Variants in SLAMF6 observed in about 807,000 individuals in gnomAD.
SLAMF6 encodes the protein SLAM family member 6.
In SLAMF6, 21 loss-of-function variants were observed where a neutral mutation model predicts 38.3. The ratio of observed to expected loss-of-function variants is 0.55; its 90% CI spans 0.39 to 0.79. The LOEUF (loss-of-function observed/expected upper bound fraction) is 0.79, where lower values mean the gene tolerates loss of function less well. SLAMF6 is among the 30% of genes least tolerant of loss of function. SLAMF6 has a pLI of 0.00. For synonymous variants in SLAMF6, 152 were observed against 146.3 expected, an observed-to-expected ratio of 1.04 and a Z score of -0.28; for missense variants, 341 against 385.3, an observed-to-expected ratio of 0.89 and a Z score of 0.96.
chr1:160,505,489 C>A lies in SLAMF6; in HGVS notation c.50-9096G>T, dbSNP rs186609870. Among the ~76,000 whole-genome samples the A allele has an allele frequency of 2.6e-4, 39 of 152,282 alleles. No homozygotes were observed. The East Asian group carries it at 4.8e-3, about 19-fold the overall frequency. On this transcript the variant is annotated intron_variant, in intron 1 of 7. Transcript: ENST00000368057. ...TGATCTCAGCTCACTGCAACCTCTGCCTCCTGGGCTGAAGTCATCCTCCCA... is the reference window on the plus strand; with the variant it reads ...TGATCTCAGCTCACTGCAACCTCTGACTCCTGGGCTGAAGTCATCCTCCCA...
chr1:160,486,532 G>C lies in SLAMF6; in HGVS notation c.*175C>G, dbSNP rs1421653705. ...CATGCTGGAAATGATGTTATCCTTA[G>C]GTGTTTGACTCAGGTAGGCAGGTTT... On this transcript the variant is annotated 3_prime_UTR_variant, in exon 8 of 8. Transcript: ENST00000368057. 3 of 609,638 alleles carry C rather than the reference G, an allele frequency of 4.9e-6. No individual in the cohort carries two copies. Among genetic ancestry groups the C allele is most frequent in the African/African-American group, 3.7e-5 (2 of 53,880 alleles). 37.8% of individuals were successfully genotyped at this position (609,638 alleles called of 1,614,324 possible). A position where few individuals can be genotyped will look rare whatever the true frequency, so the allele number is the denominator to read the frequency against.
chr1:160,508,229 A>G (rs1274783546), intron 1 of SLAMF6, among the ~76,000 whole-genome samples: 3 of 152,106 alleles, frequency 2.0e-5, no homozygotes, highest in Non-Finnish European at 2.9e-5. Flanking sequence ...GAACAAAGCT[A>G]GAGGCATCTC....
At chr1:160,487,709 G>A (rs980754712) in intron 6 of SLAMF6, among the ~76,000 whole-genome samples, 2 of 152,150 alleles carry the variant, frequency 1.3e-5, no homozygotes, top group African/African-American at 4.8e-5. Flanking sequence ...GCACATTACA[G>A]AAATAATAGC....
intron 1 of SLAMF6, among the ~76,000 whole-genome samples, chr1:160,511,150 A>C (rs3904694): frequency 0.9 from 136,603 of 152,206 alleles, 61,470 homozygotes; most frequent in Non-Finnish European, 0.93. Context: ...CGATACCACC[A>C]AAAGCAATTT....
rs1208253701 is a variant in SLAMF6, at chr1:160,489,169, T to G, written c.798A>C (p.Ala266=). Residue 266 remains alanine, a splice_region_variant and synonymous_variant, in exon 6 of 8, where the codon GCA becomes GCC. Coordinates refer to ENST00000368057, the MANE Select transcript of SLAMF6 (RefSeq NM_001184714.2). ...SLSTQRTQGP[A]ESARNLEYVS... ...CATACTCTAGGTTCCTTGCGGACTC[T>G]GCTGTTAACATAGGAAGGCACAGTC... The G allele has an allele frequency of 1.9e-6, 3 of 1,613,758 alleles. No homozygotes were observed. The South Asian group carries it at 3.3e-5, about 18-fold the overall frequency.
At chr1:160,508,813 GAA>G (rs146032588) in intron 1 of SLAMF6, among the ~76,000 whole-genome samples, 243 of 151,172 alleles carry the variant, frequency 1.6e-3, no homozygotes, top group Middle Eastern at 3.4e-3. Context: ...AAATTTACAA[GAA>G]AAAAAAAATC....
chr1:160,518,903 C>T (rs568736150), intron 1 of SLAMF6, among the ~76,000 whole-genome samples: 2 of 151,970 alleles, frequency 1.3e-5, no homozygotes, highest in South Asian at 2.1e-4. Flanking sequence ...ATATCCTGCA[C>T]GTGTATCCTG....
intron 2 of SLAMF6, among the ~76,000 whole-genome samples, chr1:160,492,430 C>G (rs930890298): frequency 3.1e-4 from 47 of 152,106 alleles, no homozygotes; most frequent in Admixed American, 3.9e-4. Context: ...CAAATTATTG[C>G]TATATCCAAG....
intron 5 of SLAMF6, 150 bp from the exon 6 acceptor site, chr1:160,489,320 TTGGAGCTC>T: frequency 1.4e-6 from 1 of 706,616 alleles, no homozygotes; most frequent in Non-Finnish European, 2.5e-6. Context: ...TTGACAGTCT[TTGGAGCTC>T]TGGGTGAACC....
rs186122252 is a variant in SLAMF6 at position 160,494,466 on chromosome 1, G to A, written c.382+1595C>T. Reference sequence around the variant, plus strand: ...GTCACCCAGGGTGATTCTGCCTGTAGTGGGTTGAATAATGACCTCAGAAAA... The same window carrying A: ...GTCACCCAGGGTGATTCTGCCTGTAATGGGTTGAATAATGACCTCAGAAAA... On this transcript the variant is annotated intron_variant, in intron 2 of 7. Coordinates refer to ENST00000368057, the MANE Select transcript of SLAMF6 (RefSeq NM_001184714.2). 2.0e-4 allele frequency among the ~76,000 whole-genome samples: 30 copies of A among 152,138 alleles called. No homozygotes were observed. In the East Asian group the frequency reaches 3.3e-3, roughly 17 times the overall value.
chr1:160,490,129 C>T (rs145449088), intron 5 of SLAMF6, 69 bp downstream of exon 5: 2 of 1,538,840 alleles, frequency 1.3e-6, no homozygotes, highest in Non-Finnish European at 1.8e-6. Flanking sequence ...CCTCTGCCAT[C>T]CCCCTCTCTC....
At chr1:160,520,413 C>T (rs1400557364) in intron 1 of SLAMF6, among the ~76,000 whole-genome samples, 1 of 152,126 alleles carries the variant, frequency 6.6e-6, no homozygotes, top group African/African-American at 2.4e-5. Context: ...TTAGTGTGGT[C>T]CATGGACAGG....
At position 160,485,507 on chromosome 1, in the gene SLAMF6, G is replaced by A. The variant is rs1016645764; in HGVS notation, c.*1200C>T. The A allele has an allele frequency of 3.3e-5, 5 of 152,238 alleles. No homozygotes were observed. The highest frequency in any genetic ancestry group is 5.9e-5 in the Non-Finnish European group (4 of 68,072). 9.4% of individuals were successfully genotyped at this position (152,238 alleles called of 1,614,324 possible). ...AACATAAAGAACTTTTCCTTTAATA[G>A]AGGAGCTGAAAGAAGATCAGGGAGG... is the stretch of plus-strand genomic sequence containing the variant. On this transcript the variant is annotated 3_prime_UTR_variant, in exon 8 of 8. Coordinates refer to ENST00000368057, the MANE Select transcript of SLAMF6 (RefSeq NM_001184714.2).
At chr1:160,522,041 G>T (rs1223728772) in intron 1 of SLAMF6, among the ~76,000 whole-genome samples, 1 of 152,104 alleles carries the variant, frequency 6.6e-6, no homozygotes. Flanking sequence ...GGTGCTCAAT[G>T]AATATTTATT....
chr1:160,487,731 C>T (rs545765734), intron 6 of SLAMF6, among the ~76,000 whole-genome samples: 8 of 152,136 alleles, frequency 5.3e-5, no homozygotes, highest in South Asian at 2.1e-4. Context: ...GAAGTCCCTA[C>T]GGCCCTCAAA....
intron 1 of SLAMF6, among the ~76,000 whole-genome samples, chr1:160,506,755 A>G (rs1654207707): frequency 6.6e-6 from 1 of 152,196 alleles, no homozygotes; most frequent in Admixed American, 6.5e-5. Flanking sequence ...TTGTTACAAC[A>G]ACGTAAAGGC....
chr1:160,521,493 A>C (rs955210227), intron 1 of SLAMF6, among the ~76,000 whole-genome samples: 4 of 152,192 alleles, frequency 2.6e-5, no homozygotes, highest in Non-Finnish European at 5.9e-5. Flanking sequence ...GGGTGGTAAA[A>C]ATGAAGCAAA....
intron 1 of SLAMF6, among the ~76,000 whole-genome samples, chr1:160,504,786 T>C (rs1477782855): frequency 6.6e-6 from 1 of 152,214 alleles, no homozygotes; most frequent in Non-Finnish European, 1.5e-5. Context: ...GGGAGAAAGA[T>C]TCTTAGAAGA....
chr1:160,520,479 C>T (rs1225387506), intron 1 of SLAMF6, among the ~76,000 whole-genome samples: 2 of 152,086 alleles, frequency 1.3e-5, no homozygotes, highest in Non-Finnish European at 2.9e-5. Context: ...GTCCCTATTC[C>T]CCAATCAGCA....
Sources: gnomAD v4.1 joint callset for allele counts (sites outside exome capture counted in the v4.1 genomes callset) on GRCh38, gnomAD v4.1.1 for gene constraint, MANE v1.5 for transcripts, NCBI Gene and HGNC (gene_info 2026-07-23, HGNC 2026-07-21) for gene names.